CAMK2D: variants seen among roughly 807,000 people sequenced by gnomAD.
CAMK2D encodes calcium/calmodulin dependent protein kinase II delta.
Under a neutral mutation model 84.0 loss-of-function variants are expected in CAMK2D, and 37 were observed. That is an observed-to-expected ratio of 0.44 (90% CI 0.34 to 0.58). CAMK2D has a LOEUF of 0.58. Ranked by LOEUF, CAMK2D falls within the 20% of genes least tolerant of loss-of-function variation. CAMK2D has a pLI of 0.02. For synonymous variants in CAMK2D, 202 were observed against 212.5 expected (o/e 0.95, Z 0.43); for missense variants, 448 against 652.5 (o/e 0.69, Z 3.41).
At chr4:113,639,299 G>A (rs1322094399) in intron 3 of CAMK2D, among the ~76,000 whole-genome samples, 1 of 152,080 alleles carries the variant, frequency 6.6e-6, no homozygotes, top group Non-Finnish European at 1.5e-5. Flanking sequence ...AATTGTGAAA[G>A]CAGTGGATAT....
intron 2 of CAMK2D, among the ~76,000 whole-genome samples, chr4:113,742,294 C>T (rs2099594817): frequency 6.6e-6 from 1 of 152,098 alleles, no homozygotes; most frequent in Non-Finnish European, 1.5e-5. Context: ...TCAAACTTTT[C>T]CTTATTAGAT....
At chr4:113,492,706 T>C (rs2097861097) in intron 16 of CAMK2D, among the ~76,000 whole-genome samples, 1 of 148,568 alleles carries the variant, frequency 6.7e-6, no homozygotes, top group South Asian at 2.1e-4. Context: ...TTGTTGACTT[T>C]CTGTCTCGTT....
intron 4 of CAMK2D, among the ~76,000 whole-genome samples, chr4:113,564,948 T>C (rs2098715300): frequency 1.3e-5 from 2 of 152,214 alleles, no homozygotes; most frequent in African/African-American, 4.8e-5. Context: ...CAGATATCCA[T>C]GTGATACATA....
chr4:113,635,662 A>G (rs551245030), intron 3 of CAMK2D, among the ~76,000 whole-genome samples: 1 of 152,346 alleles, frequency 6.6e-6, no homozygotes, highest in African/African-American at 2.4e-5. Flanking sequence ...AAGAAAATAC[A>G]GTGGGCATAA....
intron 2 of CAMK2D, among the ~76,000 whole-genome samples, chr4:113,680,113 C>A (rs1004604451): frequency 1.3e-5 from 2 of 152,020 alleles, no homozygotes; most frequent in Admixed American, 6.6e-5. Context: ...TGCTACATTG[C>A]CCAAGCCAGT....
intron 2 of CAMK2D, among the ~76,000 whole-genome samples, chr4:113,692,527 CAT>C (rs2099389988): frequency 6.6e-6 from 1 of 151,880 alleles, no homozygotes; most frequent in Non-Finnish European, 1.5e-5. Context: ...CATACATATT[CAT>C]ATATCATACA....
intron 2 of CAMK2D, among the ~76,000 whole-genome samples, chr4:113,706,175 G>A (rs1403951378): frequency 1.3e-5 from 2 of 152,156 alleles, no homozygotes; most frequent in Non-Finnish European, 2.9e-5. Flanking sequence ...ATCTATCAAG[G>A]ACTGAACTAG....
At chr4:113,511,734 C>T (rs1215599958) in intron 12 of CAMK2D, among the ~76,000 whole-genome samples, 1 of 152,154 alleles carries the variant, frequency 6.6e-6, no homozygotes, top group African/African-American at 2.4e-5. Context: ...AAGGCAGCAA[C>T]AAGGTATTAT....
At chr4:113,711,193 T>A (rs1385028908) in intron 2 of CAMK2D, among the ~76,000 whole-genome samples, 1 of 150,168 alleles carries the variant, frequency 6.7e-6, no homozygotes, top group African/African-American at 2.4e-5. Context: ...ATACATCATC[T>A]ATTATGTTTC....
chr4:113,458,813 T>C (rs1471077702), intron 18 of CAMK2D, among the ~76,000 whole-genome samples: 1 of 152,268 alleles, frequency 6.6e-6, no homozygotes, highest in Non-Finnish European at 1.5e-5. Context: ...GAAAGTGATG[T>C]GATTATCCTA....
chr4:113,660,397 G>A (rs1395429803), intron 3 of CAMK2D, among the ~76,000 whole-genome samples: 1 of 151,868 alleles, frequency 6.6e-6, no homozygotes, highest in Non-Finnish European at 1.5e-5. Flanking sequence ...TAACTATAAG[G>A]TAAACTTTTT....
At chr4:113,474,498 C>CTTTTTTTTTTT in intron 16 of CAMK2D, among the ~76,000 whole-genome samples, 1 of 89,822 alleles carries the variant, frequency 1.1e-5, no homozygotes, top group Non-Finnish European at 2.1e-5. Context: ...CCTTTTTGGC[C>CTTTTTTTTTTT]TTTTTTTTTT....
intron 2 of CAMK2D, among the ~76,000 whole-genome samples, chr4:113,735,288 G>GAA (rs2099578330): frequency 1.7e-5 from 1 of 58,958 alleles, no homozygotes; most frequent in Non-Finnish European, 3.2e-5. Context: ...CATCTCTACA[G>GAA]GAAAAAAAAA....
chr4:113,463,686 C>G (rs1399530893), intron 17 of CAMK2D, among the ~76,000 whole-genome samples: 2 of 152,162 alleles, frequency 1.3e-5, no homozygotes, highest in African/African-American at 4.8e-5. Context: ...CTTTTAATAC[C>G]TTTTACTTTT....
At chr4:113,567,168 CT>C (rs1317760050) in intron 4 of CAMK2D, among the ~76,000 whole-genome samples, 2,445 of 129,276 alleles carry the variant, frequency 0.019, 32 homozygotes, top group East Asian at 0.13. Context: ...TTTTCTTTTC[CT>C]TTTTTTTTTT....
intron 3 of CAMK2D, among the ~76,000 whole-genome samples, chr4:113,646,475 T>C (rs1010552291): frequency 2.6e-5 from 4 of 151,956 alleles, no homozygotes; most frequent in Non-Finnish European, 5.9e-5. Flanking sequence ...GGGTGGGGCA[T>C]GGGGGAGGAA....
At chr4:113,721,672 A>G (rs1051562496) in intron 2 of CAMK2D, among the ~76,000 whole-genome samples, 1 of 152,174 alleles carries the variant, frequency 6.6e-6, no homozygotes, top group African/African-American at 2.4e-5. Flanking sequence ...AGTTTCTCTT[A>G]TCTGAATAAA....
At chr4:113,531,467 A>G (rs1335588848) in intron 7 of CAMK2D, among the ~76,000 whole-genome samples, 168 bp from the exon 8 acceptor site, 1 of 152,212 alleles carries the variant, frequency 6.6e-6, no homozygotes, top group Non-Finnish European at 1.5e-5. Flanking sequence ...TTATAGAAAT[A>G]TCAACACTAG....
At chr4:113,552,584 G>A (rs911411493) in intron 4 of CAMK2D, among the ~76,000 whole-genome samples, 2 of 152,126 alleles carry the variant, frequency 1.3e-5, no homozygotes, top group Non-Finnish European at 2.9e-5. Flanking sequence ...GTGGGATCAC[G>A]TGCTATATGT....
Sources: allele counts gnomAD v4.1 joint callset (sites outside exome capture counted in the v4.1 genomes callset), GRCh38; gene constraint gnomAD v4.1.1; transcripts MANE v1.5; gene names NCBI Gene and HGNC (gene_info 2026-07-23, HGNC 2026-07-21).